ZBTB25: variants seen among roughly 807,000 people sequenced by gnomAD.
ZBTB25 encodes zinc finger and BTB domain-containing protein 25.
ZBTB25 carries 20 observed loss-of-function variants against 34.2 expected under a neutral mutation model. The ratio of observed to expected loss-of-function variants is 0.58; its 90% CI spans 0.41 to 0.85. ZBTB25 has a LOEUF of 0.85. Ranked by LOEUF, ZBTB25 falls within the 40% of genes least tolerant of loss-of-function variation. ZBTB25 has a pLI of 0.00. For synonymous variants in ZBTB25, 175 were observed against 186.4 expected, an observed-to-expected ratio of 0.94 and a Z score of 0.50; for missense variants, 437 against 521.8, an observed-to-expected ratio of 0.84 and a Z score of 1.58.
At chr14:64,503,548 G>A (rs2079569970) in intron 1 of ZBTB25, 113 bp downstream of exon 1, 18 of 986,122 alleles carry the variant, frequency 1.8e-5, no homozygotes, top group Non-Finnish European at 2.2e-5. Flanking sequence ...CCTCTCCCCA[G>A]CTACTTGCAT....
chr14:64,480,230 G>A lies in ZBTB25; in HGVS notation c.*6693C>T, dbSNP rs2141013158. 4.4e-5 allele frequency: 12 copies of A among 275,104 alleles called. No homozygotes were observed. The highest frequency in any genetic ancestry group is 3.0e-4 in the South Asian group (10 of 33,892). The allele number at this position is 275,104 out of a possible 1,614,324, so 17.0% of individuals were successfully genotyped here. On this transcript the variant is annotated 3_prime_UTR_variant, in exon 3 of 3. Transcript: ENST00000608382. Reference sequence around the variant, plus strand: ...CTCAGCTACTCGGGAGGCTGAGGCAGGAGAATAGCTTGAACCTGGGATGTG... The same window carrying A: ...CTCAGCTACTCGGGAGGCTGAGGCAAGAGAATAGCTTGAACCTGGGATGTG...
rs1269415387 is a variant in ZBTB25 at position 64,484,007 on chromosome 14, G to A, written c.*2916C>T. 6.7e-6 allele frequency: 1 copy of A among 149,590 alleles called. No individual in the cohort carries two copies. The highest frequency in any genetic ancestry group is 2.5e-5 in the African/African-American group (1 of 40,042). The allele number at this position is 149,590 out of a possible 1,614,324, so 9.3% of individuals were successfully genotyped here. ...ATGAAAACAACAATAACAAAAACTGGGGGTCAGTCCCACACCACTATTCAC... is the reference window on the plus strand; with the variant it reads ...ATGAAAACAACAATAACAAAAACTGAGGGTCAGTCCCACACCACTATTCAC... On this transcript the variant is annotated 3_prime_UTR_variant, in exon 3 of 3. Transcript: ENST00000608382.
intron 1 of ZBTB25, among the ~76,000 whole-genome samples, chr14:64,499,792 C>A (rs1031529266): frequency 6.6e-6 from 1 of 152,156 alleles, no homozygotes; most frequent in African/African-American, 2.4e-5. Flanking sequence ...GAGGTAAAAT[C>A]TGCTGTAATT....
chr14:64,483,507 G>C lies in ZBTB25; in HGVS notation c.*3416C>G, dbSNP rs2078820403. ...TTAGCCAGGATGGTCTGGATCTTCT[G>C]ACCTCGTGACCCGCCCGCCTCGGCC... On this transcript the variant is annotated 3_prime_UTR_variant, in exon 3 of 3. Transcript: ENST00000608382. 6.6e-6 allele frequency: 1 copy of C among 152,030 alleles called. No homozygotes were observed. The highest frequency in any genetic ancestry group is 6.6e-5 in the Admixed American group (1 of 15,264). The allele number at this position is 152,030 out of a possible 1,614,324, so 9.4% of individuals were successfully genotyped here.
chr14:64,454,950 C>A (rs1566579064), intron 2 of ZBTB25: 3 of 1,486,756 alleles, frequency 2.0e-6, no homozygotes, highest in Admixed American at 1.7e-5. Context: ...AACCATCAAG[C>A]AAATGCCAAG....
chr14:64,493,966 G>A (rs936084885), intron 1 of ZBTB25, among the ~76,000 whole-genome samples: 19 of 152,132 alleles, frequency 1.2e-4, no homozygotes, highest in Admixed American at 3.9e-4. Context: ...GCAGGACAGG[G>A]CTCTAGAGAG....
In ZBTB25 at chr14:64,482,886, T is replaced by A. The variant is rs1054901412; in HGVS notation, c.*4037A>T. 1.3e-5 allele frequency: 2 copies of A among 152,216 alleles called. No individual in the cohort carries two copies. The highest frequency in any genetic ancestry group is 2.9e-5 in the Non-Finnish European group (2 of 68,040). 9.4% of individuals were successfully genotyped at this position (152,216 alleles called of 1,614,324 possible). A position where few individuals can be genotyped will look rare whatever the true frequency, so the allele number is the denominator to read the frequency against. ...AATATAAATCCTCACAACACCCCTGTGAGGTAAGTATTGCTTACACCCACT... is the reference window on the plus strand; with the variant it reads ...AATATAAATCCTCACAACACCCCTGAGAGGTAAGTATTGCTTACACCCACT... On this transcript the variant is annotated 3_prime_UTR_variant, in exon 3 of 3. Transcript: ENST00000608382.
intron 2 of ZBTB25, chr14:64,468,421 T>C: frequency 1.9e-6 from 3 of 1,603,770 alleles, no homozygotes; most frequent in Non-Finnish European, 2.5e-6. Context: ...CAGAAATTCA[T>C]GTAGAAAACA....
At position 64,485,956 on chromosome 14, in the gene ZBTB25, T is replaced by C. The variant is rs1005145623; in HGVS notation, c.*967A>G. On this transcript the variant is annotated 3_prime_UTR_variant, in exon 3 of 3. Transcript: ENST00000608382. ...CTTATTTATCTATGTGTGTATATCTTACTGTTTCTTAAATATTTTTTAATG... is the reference window on the plus strand; with the variant it reads ...CTTATTTATCTATGTGTGTATATCTCACTGTTTCTTAAATATTTTTTAATG... The C allele has an allele frequency of 2.0e-6, 2 of 984,896 alleles. No individual in the cohort carries two copies. Among genetic ancestry groups the C allele is most frequent in the African/African-American group, 1.7e-5 (1 of 57,314 alleles). 61.0% of individuals were successfully genotyped at this position (984,896 alleles called of 1,614,324 possible).
chr14:64,465,492 G>A (rs2078602307), intron 2 of ZBTB25: 3 of 151,902 alleles, frequency 2.0e-5, no homozygotes, highest in Non-Finnish European at 4.4e-5. Flanking sequence ...ACCCGGCGGC[G>A]GGCTCTGCAG....
intron 2 of ZBTB25, among the ~76,000 whole-genome samples, chr14:64,489,830 A>G (rs1213892137): frequency 6.6e-6 from 1 of 151,120 alleles, no homozygotes; most frequent in East Asian, 2.0e-4. Flanking sequence ...CATGGCGCCC[A>G]GCCAATTTTA....
chr14:64,503,406 C>G, intron 1 of ZBTB25: 4 of 985,452 alleles, frequency 4.1e-6, no homozygotes, highest in Non-Finnish European at 4.8e-6. Context: ...CGTGTGCCAC[C>G]CTGAATCAGG....
chr14:64,463,253 CA>C (rs1332140673), intron 2 of ZBTB25: 13 of 149,534 alleles, frequency 8.7e-5, no homozygotes, highest in Middle Eastern at 6.8e-3. Context: ...CACACACACA[CA>C]CACACATATG....
At chr14:64,497,949 T>C (rs73267723) in intron 1 of ZBTB25, among the ~76,000 whole-genome samples, 4,412 of 152,310 alleles carry the variant, frequency 0.029, 195 homozygotes, top group African/African-American at 0.1. Flanking sequence ...GACTTTATGA[T>C]GAATTTTCAT....
At position 64,478,935 on chromosome 14, in the gene ZBTB25, G is replaced by C. The variant is rs982963930; in HGVS notation, c.*7988C>G. The C allele has an allele frequency of 1.3e-5, 2 of 152,106 alleles. No homozygotes were observed. Among genetic ancestry groups the C allele is most frequent in the African/African-American group, 4.8e-5 (2 of 41,410 alleles). 9.4% of individuals were successfully genotyped at this position (152,106 alleles called of 1,614,324 possible). A position where few individuals can be genotyped will look rare whatever the true frequency, so the allele number is the denominator to read the frequency against. On this transcript the variant is annotated 3_prime_UTR_variant, in exon 3 of 3. Transcript: ENST00000608382. ...CTCAATTTCATGAAGAGACCTCTTTGGGGAGACAATTATTTAGTTCAAACA... is the reference window on the plus strand; with the variant it reads ...CTCAATTTCATGAAGAGACCTCTTTCGGGAGACAATTATTTAGTTCAAACA...
Position 64,486,135 on chromosome 14 carries a change from T to C in ZBTB25, c.*788A>G, listed in dbSNP as rs540298083. 27 of 695,952 alleles carry C rather than the reference T, an allele frequency of 3.9e-5. No homozygotes were observed. Among genetic ancestry groups the C allele is most frequent in the Middle Eastern group, 7.3e-4 (1 of 1,368 alleles). The allele number at this position is 695,952 out of a possible 1,614,324, so 43.1% of individuals were successfully genotyped here. A position where few individuals can be genotyped will look rare whatever the true frequency, so the allele number is the denominator to read the frequency against. ...TAACACGGTGAAACCCCGTCTCTAC[T>C]AAAAAAATACAAAAAAATTAGCTGG... On this transcript the variant is annotated 3_prime_UTR_variant, in exon 3 of 3. Coordinates refer to ENST00000608382, the MANE Select transcript of ZBTB25 (RefSeq NM_006977.5).
intron 2 of ZBTB25, chr14:64,463,262 A>G (rs1392651064): frequency 6.6e-6 from 1 of 151,754 alleles, no homozygotes; most frequent in Non-Finnish European, 1.5e-5. Context: ...ACACACACAT[A>G]TGGCATTGAG....
At chr14:64,468,124 C>G (rs1156795186) in intron 2 of ZBTB25, 2 of 223,194 alleles carry the variant, frequency 9.0e-6, no homozygotes, top group Non-Finnish European at 1.8e-5. Flanking sequence ...TTTCTTTTCT[C>G]TCATCAGGTT....
intron 1 of ZBTB25, among the ~76,000 whole-genome samples, chr14:64,498,620 ATTTG>A (rs1162149597): frequency 2.4e-4 from 34 of 139,578 alleles, no homozygotes; most frequent in Non-Finnish European, 3.9e-4. Flanking sequence ...CAGATTGTTT[ATTTG>A]TTTATTTATT....
Sources: gnomAD v4.1 joint callset for allele counts (sites outside exome capture counted in the v4.1 genomes callset) on GRCh38, gnomAD v4.1.1 for gene constraint, MANE v1.5 for transcripts, NCBI Gene and HGNC (gene_info 2026-07-23, HGNC 2026-07-21) for gene names.